The following PCDH9 variants were observed in gnomAD, a reference collection of about 807,000 sequenced individuals.
PCDH9 encodes the protein protocadherin-9.
Under a neutral mutation model 70.6 loss-of-function variants are expected in PCDH9, and 24 were observed. That is an observed-to-expected ratio of 0.34 (90% CI 0.25 to 0.48). The LOEUF (loss-of-function observed/expected upper bound fraction) is 0.48, where lower values mean the gene tolerates loss of function less well. PCDH9 is among the 20% of genes least tolerant of loss of function. The pLI is 0.99. For synonymous variants in PCDH9, 562 were observed against 558.5 expected, an observed-to-expected ratio of 1.01 and a Z score of -0.09; for missense variants, 1,281 against 1,503.6, an observed-to-expected ratio of 0.85 and a Z score of 2.45.
At chr13:66,746,920 CT>C (rs141496845) in intron 3 of PCDH9, among the ~76,000 whole-genome samples, 2,244 of 152,252 alleles carry the variant, frequency 0.015, 66 homozygotes, top group African/African-American at 0.051. Context: ...GTGAATACCC[CT>C]ATCCCCCAAC....
chr13:66,571,707 AT>A (rs1343943056), intron 4 of PCDH9, among the ~76,000 whole-genome samples: 1 of 152,106 alleles, frequency 6.6e-6, no homozygotes, highest in Non-Finnish European at 1.5e-5. Context: ...TTGATTGTAT[AT>A]GCAATTACAA....
chr13:67,162,746 C>A (rs2087996742), intron 2 of PCDH9, among the ~76,000 whole-genome samples: 1 of 151,720 alleles, frequency 6.6e-6, no homozygotes, highest in African/African-American at 2.4e-5. Flanking sequence ...GATCGAGTAC[C>A]CCCTAGACAT....
intron 4 of PCDH9, among the ~76,000 whole-genome samples, chr13:66,477,234 C>T (rs1958747424): frequency 6.6e-6 from 1 of 151,984 alleles, no homozygotes; most frequent in Admixed American, 6.6e-5. Context: ...GTCTGGATGC[C>T]ACTTATTTAT....
At chr13:66,705,278 T>C (rs750122379) in intron 3 of PCDH9, among the ~76,000 whole-genome samples, 1 of 152,118 alleles carries the variant, frequency 6.6e-6, no homozygotes, top group Non-Finnish European at 1.5e-5. Flanking sequence ...CAAAGGAAAA[T>C]ATGTAGCATA....
intron 3 of PCDH9, among the ~76,000 whole-genome samples, chr13:66,723,536 A>ATTG (rs1395166740): frequency 2.9e-4 from 44 of 152,354 alleles, no homozygotes; most frequent in Non-Finnish European, 6.0e-4. Flanking sequence ...GCAAATAAAG[A>ATTG]CAAGTAGCTA....
intron 2 of PCDH9, among the ~76,000 whole-genome samples, chr13:67,194,326 A>G (rs749646248): frequency 2.8e-4 from 42 of 151,962 alleles, no homozygotes; most frequent in Non-Finnish European, 8.8e-5. Context: ...CAAAAATTCA[A>G]TCATGACTGT....
Position 66,492,832 on chromosome 13 carries a change from G to A in PCDH9, c.3340+138378C>T, listed in dbSNP as rs144173993. 2.3e-4 allele frequency among the ~76,000 whole-genome samples: 35 copies of A among 152,200 alleles called. No individual in the cohort carries two copies. The East Asian group carries it at 4.4e-3, about 19-fold the overall frequency. ...ATCAAATTAAATGAATTTCTCTGGC[G>A]AATACATGAAATATACACAAATTAA... is the stretch of plus-strand genomic sequence containing the variant. On this transcript the variant is annotated intron_variant, in intron 4 of 4. Coordinates refer to ENST00000377865, the MANE Select transcript of PCDH9 (RefSeq NM_203487.3).
intron 4 of PCDH9, among the ~76,000 whole-genome samples, chr13:66,357,765 T>C (rs1159246524): frequency 1.3e-5 from 2 of 152,066 alleles, no homozygotes; most frequent in Non-Finnish European, 2.9e-5. Context: ...CCTATGTGTG[T>C]GCTCTCACAA....
At chr13:67,180,318 G>A (rs1290364492) in intron 2 of PCDH9, among the ~76,000 whole-genome samples, 3 of 152,020 alleles carry the variant, frequency 2.0e-5, no homozygotes, top group Non-Finnish European at 4.4e-5. Flanking sequence ...AGGCTATGTC[G>A]CTAGCGCCAA....
chr13:66,332,521 G>A (rs771452446), intron 4 of PCDH9, among the ~76,000 whole-genome samples: 4 of 152,072 alleles, frequency 2.6e-5, no homozygotes, highest in Non-Finnish European at 4.4e-5. Context: ...TGCAGTGCTG[G>A]TCTCTAGGGA....
chr13:66,412,410 T>C (rs558271964), intron 4 of PCDH9, among the ~76,000 whole-genome samples: 1 of 152,340 alleles, frequency 6.6e-6, no homozygotes, highest in Admixed American at 6.5e-5. Flanking sequence ...ACATGTCTGA[T>C]AGGCCCTTTC....
At chr13:66,984,923 T>C (rs191025818) in intron 2 of PCDH9, among the ~76,000 whole-genome samples, 8 of 152,186 alleles carry the variant, frequency 5.3e-5, no homozygotes, top group Admixed American at 2.0e-4. Context: ...CCCATCTCAA[T>C]CTCCCTGTTC....
chr13:67,052,777 C>T (rs1052498615), intron 2 of PCDH9, among the ~76,000 whole-genome samples: 3 of 151,932 alleles, frequency 2.0e-5, no homozygotes, highest in East Asian at 1.9e-4. Context: ...ATTTATTCGA[C>T]GGTGGAGGCG....
At chr13:66,902,871 T>C (rs1007462865) in intron 3 of PCDH9, among the ~76,000 whole-genome samples, 1 of 151,682 alleles carries the variant, frequency 6.6e-6, no homozygotes, top group African/African-American at 2.4e-5. Context: ...ACTGGAATAA[T>C]TGGCACTGGA....
intron 4 of PCDH9, among the ~76,000 whole-genome samples, chr13:66,396,903 G>A (rs146594372): frequency 6.6e-6 from 1 of 152,054 alleles, no homozygotes; most frequent in Non-Finnish European, 1.5e-5. Context: ...TCTTTCATTT[G>A]TCTTACATTA....
rs535944917 is a variant in PCDH9 at position 66,694,054 on chromosome 13, G to T, written c.3139-62643C>A. ...CCATAGGGATATCCCAGCTGAGAAA[G>T]CTAGTTAAATGCCCTGCTGTTTTCA... On this transcript the variant is annotated intron_variant, in intron 3 of 4. Transcript: ENST00000377865. Among the ~76,000 whole-genome samples, 3 of 152,324 alleles carry T rather than the reference G, an allele frequency of 2.0e-5. No homozygotes were observed. The East Asian group carries it at 5.8e-4, about 29-fold the overall frequency.
chr13:66,425,861 A>G (rs1048721077), intron 4 of PCDH9, among the ~76,000 whole-genome samples: 4 of 151,712 alleles, frequency 2.6e-5, no homozygotes, highest in African/African-American at 4.8e-5. Context: ...AGAAAAGTCT[A>G]GTAAGTGTGC....
At chr13:66,398,755 A>G (rs1957143561) in intron 4 of PCDH9, among the ~76,000 whole-genome samples, 1 of 152,238 alleles carries the variant, frequency 6.6e-6, no homozygotes, top group Non-Finnish European at 1.5e-5. Flanking sequence ...GTTATTACAA[A>G]TGAAAGTATG....
chr13:66,612,487 G>A (rs952863185), intron 4 of PCDH9, among the ~76,000 whole-genome samples: 3 of 152,180 alleles, frequency 2.0e-5, no homozygotes, highest in Admixed American at 6.5e-5. Context: ...AATATAAATT[G>A]TAAAGTTGCC....
Sources: gnomAD v4.1 joint callset for allele counts (sites outside exome capture counted in the v4.1 genomes callset) on GRCh38, gnomAD v4.1.1 for gene constraint, MANE v1.5 for transcripts, NCBI Gene and HGNC (gene_info 2026-07-23, HGNC 2026-07-21) for gene names.